The following ABCC4 variants were observed in gnomAD, a reference collection of about 807,000 sequenced individuals.
ABCC4 encodes ATP-binding cassette sub-family C member 4.
ABCC4 carries 102 observed loss-of-function variants against 168.5 expected under a neutral mutation model. The observed-to-expected ratio is 0.61, with a 90% CI of 0.52 to 0.71. The LOEUF (loss-of-function observed/expected upper bound fraction) is 0.71, where lower values mean the gene tolerates loss of function less well. Among genes scored for constraint, ABCC4 ranks in the 30% least tolerant of loss-of-function variants. The pLI is 0.00. For missense variants in ABCC4, 1,402 were observed against 1,605.8 expected (o/e 0.87, Z 2.17); for synonymous variants, 617 against 590.7 (o/e 1.04, Z -0.65).
intron 4 of ABCC4, among the ~76,000 whole-genome samples, chr13:95,231,585 C>T (rs1382924240): frequency 1.3e-5 from 2 of 152,120 alleles, no homozygotes; most frequent in South Asian, 2.1e-4. Flanking sequence ...AAGCAGCCCA[C>T]GTGTGAGGAG....
At chr13:95,058,141 A>AAAAAAT (rs1162579894) in intron 26 of ABCC4, among the ~76,000 whole-genome samples, 1 of 152,216 alleles carries the variant, frequency 6.6e-6, no homozygotes, top group South Asian at 2.1e-4. Flanking sequence ...AAGGTTTTGG[A>AAAAAAT]AAAAATAAAA....
At chr13:95,230,213 CAG>C (rs2039582591) in intron 4 of ABCC4, among the ~76,000 whole-genome samples, 1 of 152,192 alleles carries the variant, frequency 6.6e-6, no homozygotes, top group African/African-American at 2.4e-5. Flanking sequence ...AGAAATAACA[CAG>C]AGTTCCGAGG....
chr13:95,139,435 G>A, intron 19 of ABCC4, among the ~76,000 whole-genome samples: 1 of 152,180 alleles, frequency 6.6e-6, no homozygotes, highest in East Asian at 1.9e-4. Context: ...CTGTAACCCA[G>A]AAACTTGACC....
intron 4 of ABCC4, among the ~76,000 whole-genome samples, chr13:95,213,364 C>CA (rs2039017113): frequency 6.6e-6 from 1 of 152,214 alleles, no homozygotes; most frequent in South Asian, 2.1e-4. Context: ...TCTGCCCAAG[C>CA]AAAACAGTTT....
At chr13:95,036,460 A>C (rs1205645448) in intron 29 of ABCC4, among the ~76,000 whole-genome samples, 2 of 152,120 alleles carry the variant, frequency 1.3e-5, no homozygotes, top group East Asian at 3.9e-4. Flanking sequence ...AAACACATGA[A>C]TGCCACTGAG....
intron 19 of ABCC4, among the ~76,000 whole-genome samples, chr13:95,153,180 G>A (rs937569483): frequency 3.9e-5 from 6 of 152,106 alleles, no homozygotes; most frequent in African/African-American, 1.2e-4. Flanking sequence ...CTGACAATAA[G>A]GTCACAGAGA....
At chr13:95,174,488 A>G (rs1021674691) in intron 13 of ABCC4, among the ~76,000 whole-genome samples, 3 of 152,200 alleles carry the variant, frequency 2.0e-5, no homozygotes, top group African/African-American at 7.2e-5. Flanking sequence ...TCCCCAAAGA[A>G]TGTGATTCTG....
Position 95,028,260 on chromosome 13 carries a change from A to G in ABCC4, c.3870+6345T>C, listed in dbSNP as rs963618029. Among the ~76,000 whole-genome samples the G allele has an allele frequency of 4.3e-4, 66 of 152,244 alleles. 1 individual carries two copies. Among genetic ancestry groups the G allele is most frequent in the South Asian group, 2.1e-4 (1 of 4,832 alleles). ...AATAGACCAATATAAATAAGGATTA[A>G]TAAGAATGTAATTAACAAAGTAGAA... On this transcript the variant is annotated intron_variant, in intron 30 of 30. Coordinates refer to ENST00000645237, the MANE Select transcript of ABCC4 (RefSeq NM_005845.5).
intron 4 of ABCC4, 44 bp downstream of exon 4, chr13:95,234,566 G>T: frequency 6.6e-7 from 1 of 1,518,088 alleles, no homozygotes; most frequent in Non-Finnish European, 9.1e-7. Flanking sequence ...GAATGCTTCT[G>T]ATGCTTCAGG....
Position 95,170,573 on chromosome 13 carries a change from G to A in ABCC4, c.1783C>T (p.Gln595Ter). Residue 595 changes from glutamine (Q) to a stop codon, truncating the protein, a stop_gained, in exon 14 of 31, where the codon CAG (glutamine) becomes TAG (stop). Coordinates refer to ENST00000645237, the MANE Select transcript of ABCC4 (RefSeq NM_005845.5). LOFTEE classifies it high-confidence loss of function. The part of the protein sequence containing the change: ...KITILVTHQL[Q>*]YLKAASQILI... ...ATCTGACTTGCAGCTTTGAGGTACT[G>A]CAACTGATGAGTCACTAAAATTGTG... 6 of 1,612,124 alleles carry A rather than the reference G, an allele frequency of 3.7e-6. No individual in the cohort carries two copies. The highest frequency in any genetic ancestry group is 5.1e-6 in the Non-Finnish European group (6 of 1,179,614).
intron 3 of ABCC4, among the ~76,000 whole-genome samples, chr13:95,241,246 T>C (rs1370348660): frequency 6.6e-6 from 1 of 151,062 alleles, no homozygotes; most frequent in Admixed American, 6.6e-5. Flanking sequence ...ACACCTGTAG[T>C]CCCAGCTACT....
intron 20 of ABCC4, among the ~76,000 whole-genome samples, chr13:95,098,131 G>A (rs1331085959): frequency 1.3e-5 from 1 of 76,718 alleles, no homozygotes; most frequent in Non-Finnish European, 2.4e-5. Context: ...GTGAGATACT[G>A]TCTAAAAAAA....
intron 20 of ABCC4, among the ~76,000 whole-genome samples, chr13:95,102,128 C>T (rs2139375827): frequency 6.6e-6 from 1 of 152,194 alleles, no homozygotes; most frequent in Non-Finnish European, 1.5e-5. Flanking sequence ...CTACACTACA[C>T]TTGAAATTTT....
intron 20 of ABCC4, among the ~76,000 whole-genome samples, chr13:95,107,926 G>A (rs561777052): frequency 9.2e-5 from 14 of 152,140 alleles, no homozygotes; most frequent in East Asian, 5.8e-4. Flanking sequence ...GCGACAGAGC[G>A]AGACCCCATC....
Position 95,055,372 on chromosome 13 carries a change from T to A in ABCC4, c.3367-2188A>T. On this transcript the variant is annotated intron_variant, in intron 26 of 30. Coordinates refer to ENST00000645237, the MANE Select transcript of ABCC4 (RefSeq NM_005845.5). ...TAAAAGATTTAGTAGCCTAAGTACA[T>A]ATTTATTGATGGTATATATTTTAAA... 1.3e-5 allele frequency among the ~76,000 whole-genome samples: 2 copies of A among 152,244 alleles called. 1 individual carries two copies. The highest frequency in any genetic ancestry group is 2.9e-5 in the Non-Finnish European group (2 of 68,042).
intron 26 of ABCC4, among the ~76,000 whole-genome samples, chr13:95,054,945 A>G (rs923665226): frequency 2.6e-5 from 4 of 152,234 alleles, no homozygotes; most frequent in Admixed American, 2.6e-4. Flanking sequence ...ACAGGGTGCC[A>G]CCAAAAACAT....
At position 95,163,644 on chromosome 13, in the gene ABCC4, C is replaced by T. The variant is rs770736723; in HGVS notation, c.2179G>A (p.Ala727Thr). 1.9e-6 allele frequency: 3 copies of T among 1,611,506 alleles called. No individual in the cohort carries two copies. The highest frequency in any genetic ancestry group is 2.2e-5 in the East Asian group (1 of 44,664). The change falls in exon 17 of 31, where the codon GCC (alanine) becomes ACC (threonine). Residue 727 changes from alanine to threonine, a missense_variant. By Grantham distance (58) the Ala-to-Thr change is moderately conservative (BLOSUM62 0). Coordinates refer to ENST00000645237, the MANE Select transcript of ABCC4 (RefSeq NM_005845.5). ...LILLNTAAQV[A>T]YVLQDWWLSY... The stretch of plus-strand genomic sequence containing the variant: ...AGCCACCAATCTTGAAGCACATAGG[C>T]AACCTAGGAGGGGAGAAACAACAAA...
In ABCC4 at chr13:95,099,979, T is replaced by A. The variant is rs79578825; in HGVS notation, c.2535+15943A>T. On this transcript the variant is annotated intron_variant, in intron 20 of 30. Transcript: ENST00000645237. ...GTTCTCCAGTCCAAACCTTTTTTTG[T>A]TCATCTTATCAAGAAAACTCAGTAG... 7.0e-3 allele frequency among the ~76,000 whole-genome samples: 1,072 copies of A among 152,306 alleles called. 9 individuals carry two copies. The highest frequency in any genetic ancestry group is 0.011 in the Non-Finnish European group (752 of 68,022).
At chr13:95,218,501 G>C (rs574553405) in intron 4 of ABCC4, among the ~76,000 whole-genome samples, 1 of 152,244 alleles carries the variant, frequency 6.6e-6, no homozygotes, top group East Asian at 1.9e-4. Flanking sequence ...TGAGGCTTTT[G>C]TTTGTGTTTC....
Sources: gnomAD v4.1 joint callset for allele counts (sites outside exome capture counted in the v4.1 genomes callset) on GRCh38, gnomAD v4.1.1 for gene constraint, MANE v1.5 for transcripts, NCBI Gene and HGNC (gene_info 2026-07-23, HGNC 2026-07-21) for gene names.